The following MED23 variants were observed in gnomAD, a reference collection of about 807,000 sequenced individuals.
MED23 encodes mediator complex subunit 23.
Under a neutral mutation model 163.9 loss-of-function variants are expected in MED23, and 105 were observed. That is an observed-to-expected ratio of 0.64 (90% CI 0.55 to 0.75). The LOEUF (loss-of-function observed/expected upper bound fraction) is 0.75, where lower values mean the gene tolerates loss of function less well. MED23 is among the 30% of genes least tolerant of loss of function. The pLI is 0.00. For synonymous variants in MED23, 561 were observed against 565.6 expected (o/e 0.99, Z 0.12); for missense variants, 1,054 against 1,649.0 (o/e 0.64, Z 6.25).
rs1562384653 is a variant in MED23 at position 131,603,072 on chromosome 6, A to G, written c.1889T>C (p.Leu630Ser). The change falls in exon 16 of 29, where the codon TTG becomes TCG. Residue 630 changes from leucine (L) to serine (S), a missense_variant. Leu to Ser is a moderately radical substitution (Grantham distance 145, BLOSUM62 -2). This residue lies in a region of MED23 where 228 missense variants were observed against 461.3 expected (regional missense o/e 0.49). Coordinates refer to ENST00000368068, the MANE Select transcript of MED23 (RefSeq NM_004830.4). Reference sequence around the variant, plus strand: ...CTGGTTTGTTTGTGCAACTGCAGCCAAAGTATGAAGATGACTCAGGAGCTG... The same window carrying G: ...CTGGTTTGTTTGTGCAACTGCAGCCGAAGTATGAAGATGACTCAGGAGCTG... ...RVQLLSHLHT[L>S]AAVAQTNQNQ... The G allele has an allele frequency of 6.2e-7, 1 of 1,613,878 alleles. No homozygotes were observed. Among genetic ancestry groups the G allele is most frequent in the Non-Finnish European group, 8.5e-7 (1 of 1,179,884 alleles).
At chr6:131,602,500 CTT>C in intron 16 of MED23, 119 bp from the exon 17 acceptor site, 7 of 889,170 alleles carry the variant, frequency 7.9e-6, no homozygotes, top group East Asian at 2.7e-5. Flanking sequence ...TAAAAAAACA[CTT>C]TTGTGTGAGA....
chr6:131,597,393 G>A (rs562130974), intron 20 of MED23, among the ~76,000 whole-genome samples: 13 of 146,736 alleles, frequency 8.9e-5, no homozygotes, highest in Non-Finnish European at 1.5e-4. Flanking sequence ...GGATAATGGC[G>A]TGAACCCGGA....
intron 3 of MED23, among the ~76,000 whole-genome samples, chr6:131,626,519 C>G (rs1402824095): frequency 6.6e-6 from 1 of 152,094 alleles, no homozygotes; most frequent in Non-Finnish European, 1.5e-5. Flanking sequence ...GAACAGTGTA[C>G]ATGGTATATG....
chr6:131,605,308 C>T lies in MED23; in HGVS notation c.1545G>A (p.Met515Ile). Residue 515 changes from methionine (M) to isoleucine (I), a missense_variant, in exon 14 of 29, where the codon ATG (methionine) becomes ATA (isoleucine). Coordinates refer to ENST00000368068, the MANE Select transcript of MED23 (RefSeq NM_004830.4). ...MRIPLPGTNC[M>I]ASGSITPLPM... is the part of the protein sequence containing the mutation. ...GTAAGGGGGTAATAGATCCTGAAGC[C>T]ATACAGTTTGTTCCAGGGAGAGGTA... The T allele has an allele frequency of 6.2e-6, 10 of 1,613,242 alleles. 1 individual carries two copies. In the South Asian group the frequency reaches 1.1e-4, roughly 18 times the overall value.
rs1777265672 is a variant in MED23, at chr6:131,623,541, T to C, written c.285-79A>G. 8 of 1,102,268 alleles carry C rather than the reference T, an allele frequency of 7.3e-6. No individual in the cohort carries two copies. The Admixed American group carries it at 1.2e-4, about 16-fold the overall frequency. 68.3% of individuals were successfully genotyped at this position (1,102,268 alleles called of 1,614,324 possible). ...CTAATAGCCGCCAATATGGTTTGGC[T>C]GTGTACTCACACAAATCTCATCTTG... On this transcript the variant is annotated intron_variant, in intron 4 of 28. Coordinates refer to ENST00000368068, the MANE Select transcript of MED23 (RefSeq NM_004830.4).
intron 20 of MED23, among the ~76,000 whole-genome samples, chr6:131,597,204 C>T (rs888913802): frequency 4.6e-5 from 7 of 152,026 alleles, no homozygotes; most frequent in South Asian, 2.1e-4. Flanking sequence ...AGGCCAGGCG[C>T]GGTGGCTCAC....
Position 131,621,903 on chromosome 6 carries a change from T to C in MED23, c.473A>G (p.Gln158Arg). 1.2e-6 allele frequency: 2 copies of C among 1,611,764 alleles called. No homozygotes were observed. The highest frequency in any genetic ancestry group is 8.5e-7 in the Non-Finnish European group (1 of 1,178,982). The change falls in exon 6 of 29, where the codon CAG becomes CGG. Residue 158 changes from glutamine (Q) to arginine (R), a missense_variant. Transcript: ENST00000368068. ...IPNTVSSAVV[Q>R]QLLAAREVIA... Reference sequence around the variant, plus strand: ...TACCTCTCTTGCTGCCAGAAGCTGCTGTACAACAGCAGAGCTCACTGTATT... The same window carrying C: ...TACCTCTCTTGCTGCCAGAAGCTGCCGTACAACAGCAGAGCTCACTGTATT...
At chr6:131,597,744 T>C (rs2114629089) in intron 20 of MED23, among the ~76,000 whole-genome samples, 1 of 152,250 alleles carries the variant, frequency 6.6e-6, no homozygotes, top group South Asian at 2.1e-4. Flanking sequence ...GTACCTTCTA[T>C]ACATAGAACA....
intron 30 of MED23, among the ~76,000 whole-genome samples, chr6:131,581,639 TA>T (rs1444467417): frequency 6.6e-6 from 1 of 152,192 alleles, no homozygotes; most frequent in African/African-American, 2.4e-5. Flanking sequence ...TAATCATTTA[TA>T]AACAGGTCAG....
intron 27 of MED23, 124 bp downstream of exon 27, chr6:131,590,198 G>C: frequency 1.1e-6 from 1 of 891,724 alleles, no homozygotes; most frequent in East Asian, 2.7e-5. Context: ...ATTGCTCTTG[G>C]ATCCTGTTAA....
rs1256275283 is a variant in MED23, at chr6:131,594,314, T to C, written c.3017A>G (p.Tyr1006Cys). 5 of 1,614,006 alleles carry C rather than the reference T, an allele frequency of 3.1e-6. No homozygotes were observed. The highest frequency in any genetic ancestry group is 4.2e-6 in the Non-Finnish European group (5 of 1,179,866). Residue 1006 changes from tyrosine (Y) to cysteine (C), a missense_variant, in exon 23 of 29, where the codon TAT (tyrosine) becomes TGT (cysteine). Coordinates refer to ENST00000368068, the MANE Select transcript of MED23 (RefSeq NM_004830.4). ...CATTTCATAATAGTGCAGAGTGTTA[T>C]ACAGATAAGTCACTGGACGATCTGC... ...KFHDRPVTYL[Y>C]NTLHYYEMHL... is the part of the protein sequence containing the mutation.
intron 4 of MED23, among the ~76,000 whole-genome samples, 161 bp downstream of exon 4, chr6:131,624,704 T>C (rs569363625): frequency 1.1e-4 from 17 of 152,328 alleles, no homozygotes; most frequent in Admixed American, 5.2e-4. Context: ...CAAAGACTAT[T>C]ACTCCTAGAA....
chr6:131,627,511 T>A, intron 2 of MED23, 28 bp from the exon 3 acceptor site: 1 of 1,602,754 alleles, frequency 6.2e-7, no homozygotes, highest in Non-Finnish European at 8.5e-7. Context: ...ACATTATTTG[T>A]CATTCGTTTT....
At chr6:131,600,005 G>A (rs1390978914) in intron 18 of MED23, 33 bp downstream of exon 18, 1 of 1,612,242 alleles carries the variant, frequency 6.2e-7, no homozygotes, top group East Asian at 2.2e-5. Flanking sequence ...AGGATTTCAT[G>A]TGCATTCAAT....
At position 131,600,107 on chromosome 6, in the gene MED23, C is replaced by A; in HGVS notation, c.2151G>T (p.Gln717His). The A allele has an allele frequency of 6.2e-7, 1 of 1,613,262 alleles. No individual in the cohort carries two copies. The highest frequency in any genetic ancestry group is 1.1e-5 in the South Asian group (1 of 91,056). ...TATGAGGAGTGAAACTCATGATGGT[C>A]TGAAGTATGTCTTTACACCAAGTTC... Reference protein sequence around the residue: ...IQGTWCKDILQTIMSFTPHNW... With the variant: ...IQGTWCKDILHTIMSFTPHNW... Residue 717 changes from glutamine (Q) to histidine (H), a missense_variant, in exon 18 of 29, where the codon CAG (glutamine) becomes CAT (histidine). By Grantham distance (24) the Gln-to-His change is conservative (BLOSUM62 0). This residue lies in a region of MED23 where 228 missense variants were observed against 461.3 expected (regional missense o/e 0.49). Transcript: ENST00000368068.
chr6:131,602,057 G>C (rs1775525235), intron 17 of MED23, among the ~76,000 whole-genome samples, 161 bp downstream of exon 17: 1 of 152,140 alleles, frequency 6.6e-6, no homozygotes, highest in Admixed American at 6.5e-5. Context: ...GTACACAAAA[G>C]AGCTTCCATA....
chr6:131,583,890 C>T (rs1405840831), downstream of MED23: 1 of 1,614,064 alleles, frequency 6.2e-7, no homozygotes, highest in Non-Finnish European at 8.5e-7. Context: ...CTATTGACTA[C>T]CTTAACCCAC....
chr6:131,583,166 T>C (rs113645893), downstream of MED23: 14 of 1,612,574 alleles, frequency 8.7e-6, no homozygotes, highest in Non-Finnish European at 1.2e-5. Flanking sequence ...ACTAGGAAGG[T>C]AGGATTCTTT....
chr6:131,588,333 G>A (rs1027598055), intron 28 of MED23, among the ~76,000 whole-genome samples: 1 of 151,972 alleles, frequency 6.6e-6, no homozygotes, highest in Non-Finnish European at 1.5e-5. Flanking sequence ...ATTTACACTT[G>A]GAATTAACTA....
Sources: gnomAD v4.1 joint callset for allele counts (sites outside exome capture counted in the v4.1 genomes callset) on GRCh38, gnomAD v4.1.1 for gene constraint, gnomAD v4.1.1 regional missense constraint, MANE v1.5 for transcripts, NCBI Gene and HGNC (gene_info 2026-07-23, HGNC 2026-07-21) for gene names.